The following CEP85L variants were observed in gnomAD, a reference collection of about 807,000 sequenced individuals.
The protein encoded by CEP85L is centrosomal protein of 85 kDa-like.
CEP85L carries 60 observed loss-of-function variants against 100.3 expected under a neutral mutation model. The observed-to-expected ratio is 0.60, with a 90% CI of 0.49 to 0.74. The LOEUF is 0.74. CEP85L is among the 30% of genes least tolerant of loss of function. The pLI is 0.00. For synonymous variants in CEP85L, 319 were observed against 322.7 expected (o/e 0.99, Z 0.12); for missense variants, 973 against 936.2 (o/e 1.04, Z -0.51).
At chr6:118,472,472 C>T (rs956717947) in intron 10 of CEP85L, among the ~76,000 whole-genome samples, 12 of 152,126 alleles carry the variant, frequency 7.9e-5, no homozygotes, top group South Asian at 4.1e-4. Flanking sequence ...GGTATGAGTG[C>T]TATAGTTGTC....
chr6:118,484,116 C>A (rs552603384), intron 6 of CEP85L, among the ~76,000 whole-genome samples: 2 of 152,214 alleles, frequency 1.3e-5, no homozygotes, highest in South Asian at 4.1e-4. Flanking sequence ...TTGAGACCAG[C>A]CTGGCCAATA....
chr6:118,521,144 T>C (rs1023732606), intron 4 of CEP85L, among the ~76,000 whole-genome samples: 2 of 152,232 alleles, frequency 1.3e-5, no homozygotes, highest in Non-Finnish European at 2.9e-5. Flanking sequence ...AACTAAAAAG[T>C]TCGGCAGGTT....
intron 1 of CEP85L, among the ~76,000 whole-genome samples, chr6:118,650,144 C>T (rs1775450113): frequency 6.6e-6 from 1 of 152,130 alleles, no homozygotes; most frequent in South Asian, 2.1e-4. Flanking sequence ...CGAGCTCAAA[C>T]ACTTTGTGGA....
chr6:118,473,939 A>C (rs1773159245), intron 10 of CEP85L, among the ~76,000 whole-genome samples: 1 of 152,170 alleles, frequency 6.6e-6, no homozygotes, highest in African/African-American at 2.4e-5. Context: ...TAAGAAATAA[A>C]AAAAAGAGCC....
chr6:118,615,417 C>T (rs1772964240), intron 2 of CEP85L, among the ~76,000 whole-genome samples: 1 of 137,430 alleles, frequency 7.3e-6, no homozygotes, highest in African/African-American at 2.8e-5. Context: ...CACATAATAA[C>T]TCTACCCAAA....
At chr6:118,487,764 C>T (rs547390550) in intron 6 of CEP85L, among the ~76,000 whole-genome samples, 2 of 152,230 alleles carry the variant, frequency 1.3e-5, no homozygotes, top group South Asian at 2.1e-4. Flanking sequence ...GAGATCAGAC[C>T]GGTGAGATCA....
At chr6:118,609,423 CAGAAAAAATA>C (rs1312418654) in intron 2 of CEP85L, among the ~76,000 whole-genome samples, 3 of 152,044 alleles carry the variant, frequency 2.0e-5, no homozygotes, top group Non-Finnish European at 4.4e-5. Context: ...CTTTATAAAT[CAGAAAAAATA>C]AGAAGAAATA....
chr6:118,528,206 TTTC>T (rs944269951), intron 3 of CEP85L, among the ~76,000 whole-genome samples: 8 of 146,122 alleles, frequency 5.5e-5, no homozygotes, highest in African/African-American at 2.0e-4. Flanking sequence ...TGGCTTTTCT[TTTC>T]TTTTTCTTTT....
chr6:118,605,437 C>T (rs1019689459), intron 2 of CEP85L, among the ~76,000 whole-genome samples: 1 of 152,162 alleles, frequency 6.6e-6, no homozygotes, highest in African/African-American at 2.4e-5. Flanking sequence ...TACTATTAGC[C>T]ATCCCTTAAA....
intron 5 of CEP85L, among the ~76,000 whole-genome samples, chr6:118,510,303 A>G (rs537640531): frequency 3.3e-5 from 5 of 152,224 alleles, no homozygotes; most frequent in African/African-American, 1.2e-4. Context: ...TTGAGACAAA[A>G]TTGGAAAATT....
intron 3 of CEP85L, chr6:118,565,253 TTGAG>T (rs760272237): frequency 9.6e-5 from 39 of 408,248 alleles, no homozygotes; most frequent in Non-Finnish European, 1.6e-4. Context: ...TTTATTTAGA[TTGAG>T]TATGTTTTGC....
At chr6:118,628,020 T>C (rs2115304880) in intron 2 of CEP85L, among the ~76,000 whole-genome samples, 1 of 152,174 alleles carries the variant, frequency 6.6e-6, no homozygotes, top group East Asian at 1.9e-4. Context: ...GGGCACCGGC[T>C]CACTAAAACA....
At chr6:118,517,288 T>G (rs936779630) in intron 4 of CEP85L, among the ~76,000 whole-genome samples, 2 of 152,226 alleles carry the variant, frequency 1.3e-5, no homozygotes, top group Non-Finnish European at 1.5e-5. Context: ...AGAAAGTCAA[T>G]GGCAGCTTGA....
intron 2 of CEP85L, among the ~76,000 whole-genome samples, chr6:118,616,387 C>T (rs1773046812): frequency 6.6e-6 from 1 of 151,742 alleles, no homozygotes; most frequent in Non-Finnish European, 1.5e-5. Context: ...AAAACAAAAG[C>T]CAGGAATGGT....
chr6:118,616,374 AC>A (rs1279776847), intron 2 of CEP85L, among the ~76,000 whole-genome samples: 5 of 152,010 alleles, frequency 3.3e-5, no homozygotes, highest in Non-Finnish European at 7.4e-5. Context: ...AAAAACAAAA[AC>A]AAAAACAAAA....
intron 1 of CEP85L, among the ~76,000 whole-genome samples, chr6:118,696,534 C>T (rs1244314154): frequency 2.0e-5 from 3 of 152,164 alleles, no homozygotes; most frequent in African/African-American, 7.2e-5. Context: ...TATTGTTGAG[C>T]TTGTGCATAC....
chr6:118,508,465 TA>T (rs1390146733), intron 5 of CEP85L, among the ~76,000 whole-genome samples: 1 of 152,100 alleles, frequency 6.6e-6, no homozygotes, highest in East Asian at 1.9e-4. Flanking sequence ...GATGGAAATT[TA>T]GGTATAAATG....
chr6:118,600,359 GTGTGTGTGTGT>G lies in CEP85L; in HGVS notation c.232+32083_232+32093del, dbSNP rs1390299411. On this transcript the variant is annotated intron_variant, in intron 2 of 12. Coordinates refer to ENST00000368491, the MANE Select transcript of CEP85L (RefSeq NM_001042475.3). The stretch of plus-strand genomic sequence containing the variant: ...TGTGTGTGTGTGTGTGTGTGTGTGT[GTGTGTGTGTGT>G]AACGCCATGGAGCAATCTCAGCTCA... 2.7e-4 allele frequency among the ~76,000 whole-genome samples: 38 copies of G among 139,176 alleles called. 5 individuals carry two copies. Among genetic ancestry groups the G allele is most frequent in the South Asian group, 2.2e-3 (9 of 4,134 alleles). The allele number at this position is 139,176 out of a possible 152,430, so 91.3% of individuals were successfully genotyped here.
At chr6:118,524,498 G>A (rs1776853515) in intron 3 of CEP85L, among the ~76,000 whole-genome samples, 1 of 152,150 alleles carries the variant, frequency 6.6e-6, no homozygotes, top group Admixed American at 6.5e-5. Context: ...TTACCTTGTG[G>A]AAGTGGAAGT....
Sources: gnomAD v4.1 joint callset for allele counts (sites outside exome capture counted in the v4.1 genomes callset) on GRCh38, gnomAD v4.1.1 for gene constraint, MANE v1.5 for transcripts, NCBI Gene and HGNC (gene_info 2026-07-23, HGNC 2026-07-21) for gene names.